The following KAZN variants were observed in gnomAD, a reference collection of about 807,000 sequenced individuals.
The protein encoded by KAZN is kazrin, periplakin interacting protein, also known as kazrin.
A neutral mutation model predicts 87.4 loss-of-function variants in KAZN; 40 were observed. The ratio of observed to expected loss-of-function variants is 0.46; its 90% CI spans 0.36 to 0.60. KAZN has a LOEUF of 0.60. Ranked by LOEUF, KAZN falls within the 20% of genes least tolerant of loss-of-function variation. The probability of loss-of-function intolerance (pLI) is 0.00; values close to 1 mark genes in which losing one functional copy is unlikely to be tolerated. For missense variants in KAZN, 898 were observed against 1,073.9 expected (o/e 0.84, Z 2.29); for synonymous variants, 466 against 458.3 (o/e 1.02, Z -0.22).
At chr1:14,390,248 C>CA (rs1311528917) in intron 2 of KAZN, among the ~76,000 whole-genome samples, 3 of 151,994 alleles carry the variant, frequency 2.0e-5, no homozygotes, top group East Asian at 1.9e-4. Context: ...GTAAAACATA[C>CA]AAAAAACAGG....
At chr1:14,566,791 T>G (rs562932710) in intron 2 of KAZN, among the ~76,000 whole-genome samples, 1 of 152,350 alleles carries the variant, frequency 6.6e-6, no homozygotes, top group African/African-American at 2.4e-5. Flanking sequence ...AGCTCCCAAC[T>G]TTTCTTCTGC....
intron 1 of KAZN, among the ~76,000 whole-genome samples, chr1:14,029,071 C>T (rs1400899499): frequency 9.4e-5 from 14 of 148,608 alleles, no homozygotes; most frequent in Non-Finnish European, 1.0e-4. Flanking sequence ...AATGGTTGAA[C>T]TAGTTTACAG....
intron 2 of KAZN, among the ~76,000 whole-genome samples, chr1:14,241,679 C>T (rs965732244): frequency 1.3e-5 from 2 of 152,166 alleles, no homozygotes; most frequent in African/African-American, 4.8e-5. Context: ...CTTCCCATTT[C>T]ACAGATGAGG....
intron 2 of KAZN, among the ~76,000 whole-genome samples, chr1:14,999,712 A>G (rs1481929207): frequency 6.6e-6 from 1 of 152,198 alleles, no homozygotes; most frequent in African/African-American, 2.4e-5. Context: ...TTAGAACTTA[A>G]AAGTAATTCT....
At chr1:14,705,934 A>AGGAGGT (rs1642185609) in intron 1 of KAZN, among the ~76,000 whole-genome samples, 1 of 152,204 alleles carries the variant, frequency 6.6e-6, no homozygotes, top group Admixed American at 6.5e-5. Flanking sequence ...GCCACACAGC[A>AGGAGGT]GGAGGTGAGT....
rs978379194 is a variant in KAZN, at chr1:15,116,696, C to G, written c.*2061C>G. 6.6e-6 allele frequency: 1 copy of G among 152,242 alleles called. No individual in the cohort carries two copies. Among genetic ancestry groups the G allele is most frequent in the African/African-American group, 2.4e-5 (1 of 41,468 alleles). The allele number at this position is 152,242 out of a possible 1,614,324, so 9.4% of individuals were successfully genotyped here. On this transcript the variant is annotated 3_prime_UTR_variant, in exon 15 of 15. Coordinates refer to ENST00000376030, the MANE Select transcript of KAZN (RefSeq NM_201628.3). ...GAAACTGCCGTTTGGGAGGCAGCAA[C>G]AGCAACGTGCCCAGGCAGGCAGTTA...
intron 1 of KAZN, among the ~76,000 whole-genome samples, chr1:14,050,190 A>G (rs546891324): frequency 9.3e-5 from 14 of 150,264 alleles, no homozygotes; most frequent in South Asian, 2.1e-4. Context: ...ACATGTGTGT[A>G]CACATATGTG....
intron 1 of KAZN, among the ~76,000 whole-genome samples, chr1:14,669,475 G>A (rs1419356489): frequency 6.6e-6 from 1 of 152,174 alleles, no homozygotes; most frequent in African/African-American, 2.4e-5. Context: ...TGGGCGCGGT[G>A]GCTCACACCT....
At position 14,949,123 on chromosome 1, in the gene KAZN, A is replaced by C. The variant is rs1472194186; in HGVS notation, c.227-11561A>C. ...AGCCAAGATCATGCCACTGCACTCC[A>C]GCCTGGGCAACAGAGTGAGACTCCG... is the stretch of plus-strand genomic sequence containing the variant. On this transcript the variant is annotated intron_variant, in intron 1 of 14. Coordinates refer to ENST00000376030, the MANE Select transcript of KAZN (RefSeq NM_201628.3). This position sits in a 1 kb window ranked among gnomAD's most constrained non-coding sequence, Gnocchi z 4.3. Among the ~76,000 whole-genome samples the C allele has an allele frequency of 6.6e-6, 1 of 151,220 alleles. No individual in the cohort carries two copies.
chr1:14,096,488 C>G (rs1570728630), intron 1 of KAZN, among the ~76,000 whole-genome samples: 1 of 152,324 alleles, frequency 6.6e-6, no homozygotes, highest in East Asian at 1.9e-4. Context: ...AAACCCGAAC[C>G]TGCTTAAGTT....
At chr1:14,929,707 G>T in intron 1 of KAZN, 1 of 908,446 alleles carries the variant, frequency 1.1e-6, no homozygotes, top group Non-Finnish European at 1.3e-6. Flanking sequence ...GACAGGCATG[G>T]TTATAAGGGG....
In KAZN at chr1:14,017,297, A is replaced by G. The variant is rs143471066; in HGVS notation, c.91+123541A>G. On this transcript the variant is annotated intron_variant, in intron 1 of 16. Coordinates refer to the KAZN transcript ENST00000636203. ...TATTTGCAAAAGACTCAGAGCCCTCAAATCTGTGTCCATAAACATTTGCCT... is the reference window on the plus strand; with the variant it reads ...TATTTGCAAAAGACTCAGAGCCCTCGAATCTGTGTCCATAAACATTTGCCT... Among the ~76,000 whole-genome samples, 339 of 152,318 alleles carry G rather than the reference A, an allele frequency of 2.2e-3. 1 individual carries two copies. Among genetic ancestry groups the G allele is most frequent in the African/African-American group, 7.7e-3 (321 of 41,576 alleles).
At chr1:15,029,569 C>T (rs546962391) in intron 2 of KAZN, among the ~76,000 whole-genome samples, 1 of 152,136 alleles carries the variant, frequency 6.6e-6, no homozygotes, top group Non-Finnish European at 1.5e-5. Flanking sequence ...AGCAGGGAGA[C>T]CCACAGAAGC....
intron 1 of KAZN, among the ~76,000 whole-genome samples, chr1:14,156,091 G>T (rs1435537348): frequency 2.6e-5 from 4 of 152,082 alleles, no homozygotes; most frequent in Non-Finnish European, 1.5e-5. Flanking sequence ...TTTCTTCATT[G>T]ACACATTGGT....
chr1:14,991,464 T>A (rs1667352676), intron 2 of KAZN, among the ~76,000 whole-genome samples: 1 of 152,214 alleles, frequency 6.6e-6, no homozygotes, highest in African/African-American at 2.4e-5. Context: ...ACAGTGGCCC[T>A]GTCAGAATAA....
In KAZN at chr1:14,978,101, C is replaced by T. The variant is rs563912103; in HGVS notation, c.418+17226C>T. Among the ~76,000 whole-genome samples the T allele has an allele frequency of 3.2e-3, 490 of 152,184 alleles. 4 individuals carry two copies. The highest frequency in any genetic ancestry group is 0.012 in the South Asian group (57 of 4,820). On this transcript the variant is annotated intron_variant, in intron 2 of 14. Transcript: ENST00000376030. Reference sequence around the variant, plus strand: ...GGGCAGAGTTTCTGGTCCAGGCGAACGCTCCCTCCCCGTGGCCTTCCTCAC... The same window carrying T: ...GGGCAGAGTTTCTGGTCCAGGCGAATGCTCCCTCCCCGTGGCCTTCCTCAC...
chr1:14,957,079 G>A (rs578207462), intron 1 of KAZN, among the ~76,000 whole-genome samples: 4 of 152,234 alleles, frequency 2.6e-5, no homozygotes, highest in South Asian at 2.1e-4. Flanking sequence ...TCGTGTGTGC[G>A]TCTATTTGCT....
At chr1:14,103,260 C>A (rs1404705162) in intron 1 of KAZN, among the ~76,000 whole-genome samples, 2 of 152,076 alleles carry the variant, frequency 1.3e-5, no homozygotes, top group Admixed American at 1.3e-4. Flanking sequence ...TGTATTGGGG[C>A]CCACCCTAGT....
At position 15,094,070 on chromosome 1, in the gene KAZN, A is replaced by G. The variant is rs1258071801; in HGVS notation, c.1223-110A>G. ...GCCACTTTGATTTTGAAGAGAATAC[A>G]TGGAGGGGAGGATGTCCCCACCACC... is the stretch of plus-strand genomic sequence containing the variant. On this transcript the variant is annotated intron_variant, in intron 8 of 14. Coordinates refer to ENST00000376030, the MANE Select transcript of KAZN (RefSeq NM_201628.3). This position sits in a 1 kb window ranked among gnomAD's most constrained non-coding sequence, Gnocchi z 4.5. 1.1e-6 allele frequency: 1 copy of G among 879,698 alleles called. No individual in the cohort carries two copies. Among genetic ancestry groups the G allele is most frequent in the South Asian group, 1.7e-5 (1 of 60,320 alleles). The allele number at this position is 879,698 out of a possible 1,614,324, so 54.5% of individuals were successfully genotyped here.
Sources: gnomAD v4.1 joint callset for allele counts (sites outside exome capture counted in the v4.1 genomes callset) on GRCh38, gnomAD v4.1.1 for gene constraint, Gnocchi (gnomAD v3.1) non-coding constraint, MANE v1.5 for transcripts, NCBI Gene and HGNC (gene_info 2026-07-23, HGNC 2026-07-21) for gene names.